NTM: variants seen among roughly 807,000 people sequenced by gnomAD.
NTM encodes the protein IgLON family member 2.
Under a neutral mutation model 42.1 loss-of-function variants are expected in NTM, and 13 were observed. That is an observed-to-expected ratio of 0.31 (90% confidence interval 0.20 to 0.49). NTM has a LOEUF of 0.49. NTM is among the 20% of genes least tolerant of loss of function. The probability of loss-of-function intolerance (pLI) is 0.99; values close to 1 mark genes in which losing one functional copy is unlikely to be tolerated. For synonymous variants in NTM, 187 were observed against 179.2 expected (o/e 1.04, Z -0.35); for missense variants, 373 against 452.8 (o/e 0.82, Z 1.60).
intron 2 of NTM, among the ~76,000 whole-genome samples, chr11:132,058,107 C>T (rs992325550): frequency 3.9e-5 from 6 of 152,076 alleles, no homozygotes; most frequent in African/African-American, 7.2e-5. Context: ...GTCTGTTGAG[C>T]CTCTTTTATT....
intron 1 of NTM, among the ~76,000 whole-genome samples, chr11:131,442,973 T>A (rs1054639329): frequency 2.0e-5 from 3 of 152,210 alleles, no homozygotes; most frequent in Non-Finnish European, 2.9e-5. Context: ...TATATAATAA[T>A]TTCTTTTCCT....
At chr11:131,732,558 T>C (rs1341884405) in intron 1 of NTM, among the ~76,000 whole-genome samples, 2 of 152,356 alleles carry the variant, frequency 1.3e-5, no homozygotes, top group East Asian at 3.9e-4. Context: ...TACCAATTGT[T>C]ATTTTGATGA....
chr11:132,285,542 G>C (rs760128800), intron 4 of NTM, among the ~76,000 whole-genome samples: 1 of 152,154 alleles, frequency 6.6e-6, no homozygotes, highest in Non-Finnish European at 1.5e-5. Context: ...CTGTTCAGGA[G>C]CACCCAGATT....
chr11:131,930,761 T>A (rs1464523735), intron 2 of NTM, among the ~76,000 whole-genome samples: 1 of 152,250 alleles, frequency 6.6e-6, no homozygotes, highest in Non-Finnish European at 1.5e-5. Context: ...CTAGTTTTTC[T>A]TGTTCTTCCC....
chr11:131,465,996 C>T (rs191572588), intron 1 of NTM, among the ~76,000 whole-genome samples: 1 of 152,332 alleles, frequency 6.6e-6, no homozygotes, highest in East Asian at 1.9e-4. Flanking sequence ...AGCTATCACT[C>T]TGCAGGAGTG....
At chr11:131,443,235 G>T (rs760098384) in intron 1 of NTM, among the ~76,000 whole-genome samples, 1 of 152,198 alleles carries the variant, frequency 6.6e-6, no homozygotes, top group East Asian at 1.9e-4. Context: ...CTGGAAAGAA[G>T]GGAAATGGGT....
intron 1 of NTM, among the ~76,000 whole-genome samples, chr11:131,565,365 T>C (rs997971773): frequency 6.6e-6 from 1 of 152,194 alleles, no homozygotes; most frequent in African/African-American, 2.4e-5. Flanking sequence ...CAACCAATAT[T>C]GTTGGCCCAG....
At chr11:131,674,868 C>T (rs1317362607) in intron 1 of NTM, among the ~76,000 whole-genome samples, 1 of 152,190 alleles carries the variant, frequency 6.6e-6, no homozygotes, top group African/African-American at 2.4e-5. Flanking sequence ...ATGTGGGGCT[C>T]ATAGTTTACA....
chr11:132,248,517 A>G (rs2139339580), intron 4 of NTM, among the ~76,000 whole-genome samples: 1 of 152,224 alleles, frequency 6.6e-6, no homozygotes, highest in Middle Eastern at 3.4e-3. Context: ...GAGGGAGGGT[A>G]GGGCCAGTGT....
At chr11:132,126,114 G>C (rs1214800981) in intron 2 of NTM, among the ~76,000 whole-genome samples, 3 of 152,102 alleles carry the variant, frequency 2.0e-5, no homozygotes, top group East Asian at 3.9e-4. Context: ...CGCCACCTGG[G>C]TGTGTGAACG....
chr11:131,711,913 A>T (rs1169420235), intron 1 of NTM, among the ~76,000 whole-genome samples: 1 of 143,696 alleles, frequency 7.0e-6, no homozygotes, highest in Non-Finnish European at 1.5e-5. Context: ...GTTCTCACTC[A>T]TAGGTGGGAA....
At chr11:132,171,458 C>T (rs573089660) in intron 3 of NTM, among the ~76,000 whole-genome samples, 52 of 152,338 alleles carry the variant, frequency 3.4e-4, no homozygotes, top group African/African-American at 1.1e-3. Context: ...TGTGTTCTCA[C>T]ATGGTGAGAG....
rs141282839 is a variant in NTM at position 131,396,759 on chromosome 11, G to A, written c.82+25871G>A. On this transcript the variant is annotated intron_variant, in intron 1 of 8. Transcript: ENST00000683400. ...TGAGGCAGGAGAATTGCTTGAACAC[G>A]GGGGACGGAAGTTGCAGTGAGCTGA... Among the ~76,000 whole-genome samples, 298 of 152,070 alleles carry A rather than the reference G, an allele frequency of 2.0e-3. 5 individuals are homozygous for A. The East Asian group carries it at 0.05, about 25-fold the overall frequency.
chr11:132,039,997 T>C (rs1355637260), intron 2 of NTM, among the ~76,000 whole-genome samples: 1 of 152,080 alleles, frequency 6.6e-6, no homozygotes, highest in Non-Finnish European at 1.5e-5. Flanking sequence ...TGATCTTGGC[T>C]CACTGCAGCC....
intron 4 of NTM, among the ~76,000 whole-genome samples, chr11:132,221,798 G>T (rs1566509623): frequency 6.6e-6 from 1 of 152,136 alleles, no homozygotes; most frequent in Non-Finnish European, 1.5e-5. Context: ...AGAGACGAAG[G>T]CATGAAAATC....
chr11:132,334,878 T>C, intron 8 of NTM, 168 bp from the exon 9 acceptor site: 5 of 637,962 alleles, frequency 7.8e-6, no homozygotes, highest in Non-Finnish European at 9.7e-6. Context: ...GTCTTGGGGA[T>C]GTGGGCCATA....
chr11:131,515,005 A>C (rs440329), intron 1 of NTM, among the ~76,000 whole-genome samples: 23,183 of 152,006 alleles, frequency 0.15, 1,975 homozygotes, highest in Middle Eastern at 0.23. Context: ...ACGTCTTGGG[A>C]ACAAGCGATC....
intron 1 of NTM, among the ~76,000 whole-genome samples, chr11:131,423,817 G>A (rs1341732689): frequency 1.3e-5 from 2 of 152,194 alleles, no homozygotes; most frequent in East Asian, 3.9e-4. Context: ...TCAGGGTGCA[G>A]CACCTTCCAT....
At chr11:131,531,510 TAAG>T (rs2051274541) in intron 1 of NTM, among the ~76,000 whole-genome samples, 3 of 152,156 alleles carry the variant, frequency 2.0e-5, no homozygotes, top group African/African-American at 7.2e-5. Context: ...AAGTGGAACT[TAAG>T]GAGGGAAGGA....
Sources: gnomAD v4.1 joint callset for allele counts (sites outside exome capture counted in the v4.1 genomes callset) on GRCh38, gnomAD v4.1.1 for gene constraint, MANE v1.5 for transcripts, NCBI Gene and HGNC (gene_info 2026-07-23, HGNC 2026-07-21) for gene names.